Variants in CDH11 observed in about 807,000 individuals in gnomAD.
CDH11 encodes cadherin 11.
In CDH11, 11 loss-of-function variants were observed where a neutral mutation model predicts 67.8. That is an observed-to-expected ratio of 0.16 (90% CI 0.10 to 0.27). CDH11 has a LOEUF of 0.27. Among genes scored for constraint, CDH11 ranks in the 10% least tolerant of loss-of-function variants. CDH11 has a pLI of 1.00. For missense variants in CDH11, 847 were observed against 1,031.2 expected (o/e 0.82, Z 2.45); for synonymous variants, 419 against 400.0 (o/e 1.05, Z -0.57).
chr16:65,013,540 A>G (rs554573827), intron 2 of CDH11, among the ~76,000 whole-genome samples: 1 of 151,982 alleles, frequency 6.6e-6, no homozygotes, highest in South Asian at 2.1e-4. Context: ...AATGGGAAAA[A>G]CCCAGCCGGG....
chr16:65,012,386 T>C (rs534108437), intron 2 of CDH11, among the ~76,000 whole-genome samples: 101 of 152,304 alleles, frequency 6.6e-4, no homozygotes, highest in Non-Finnish European at 1.2e-3. Context: ...GTGAATCAGA[T>C]TTCTTTGGGA....
At chr16:64,995,243 T>C (rs1375942580) in intron 4 of CDH11, among the ~76,000 whole-genome samples, 4 of 152,030 alleles carry the variant, frequency 2.6e-5, no homozygotes, top group African/African-American at 9.7e-5. Context: ...AAAAAACTGT[T>C]CTAAGACTCA....
chr16:65,071,677 C>T (rs966854324), intron 1 of CDH11, among the ~76,000 whole-genome samples: 6 of 152,174 alleles, frequency 3.9e-5, no homozygotes, highest in Admixed American at 1.3e-4. Flanking sequence ...CAAAGATAGA[C>T]CGGAACAAAC....
intron 6 of CDH11, chr16:64,991,295 T>C (rs1168541039): frequency 1.9e-5 from 3 of 155,812 alleles, no homozygotes; most frequent in Non-Finnish European, 4.3e-5. Flanking sequence ...AGAGGCATGC[T>C]GTCTCCTCCA....
chr16:64,989,776 C>T (rs2072584917), intron 6 of CDH11, among the ~76,000 whole-genome samples: 1 of 152,172 alleles, frequency 6.6e-6, no homozygotes, highest in Non-Finnish European at 1.5e-5. Context: ...ATTTAATACT[C>T]TGTGCAACAC....
At chr16:65,053,008 C>T (rs2074083434) in intron 2 of CDH11, among the ~76,000 whole-genome samples, 1 of 152,060 alleles carries the variant, frequency 6.6e-6, no homozygotes, top group Admixed American at 6.6e-5. Context: ...CAGGAAAAAC[C>T]TGGATTTGAC....
At chr16:65,031,767 C>G (rs1023753920) in intron 2 of CDH11, among the ~76,000 whole-genome samples, 1 of 152,006 alleles carries the variant, frequency 6.6e-6, no homozygotes, top group Admixed American at 6.6e-5. Context: ...TATTCTTTGG[C>G]CACTGCAAAT....
At chr16:65,030,928 C>T (rs749918058) in intron 2 of CDH11, among the ~76,000 whole-genome samples, 2 of 152,032 alleles carry the variant, frequency 1.3e-5, no homozygotes, top group Non-Finnish European at 2.9e-5. Flanking sequence ...TCTTTCATTC[C>T]CCCAGGAGAA....
chr16:65,069,983 T>C (rs2142764462), intron 1 of CDH11, among the ~76,000 whole-genome samples: 1 of 152,204 alleles, frequency 6.6e-6, no homozygotes, highest in South Asian at 2.1e-4. Flanking sequence ...GGATAGAATT[T>C]CCCAGGAGAA....
In CDH11 at chr16:65,121,853, G is replaced by C. The variant is rs1359628925; in HGVS notation, c.-298+27C>G. ...ATTCCAAGAAGCCCCAACCAGGCGA[G>C]AGGAAGGGACTGGCGGCGCACCTCA... is the stretch of plus-strand genomic sequence containing the variant. On this transcript the variant is annotated intron_variant, in intron 1 of 12. Transcript: ENST00000268603. The surrounding 1 kb of genome is among the most constrained non-coding windows in gnomAD (Gnocchi z 4.1). 1.4e-6 allele frequency: 1 copy of C among 701,962 alleles called. No homozygotes were observed. The highest frequency in any genetic ancestry group is 2.0e-5 in the Admixed American group (1 of 49,996). 43.5% of individuals were successfully genotyped at this position (701,962 alleles called of 1,614,324 possible).
chr16:64,982,001 G>C (rs2072363297), intron 8 of CDH11, 47 bp downstream of exon 8: 3 of 1,537,126 alleles, frequency 2.0e-6, no homozygotes, highest in Non-Finnish European at 2.6e-6. Flanking sequence ...AGAACCTCTT[G>C]ACTCTAAAAT....
chr16:65,062,266 C>G (rs777683432), intron 1 of CDH11, among the ~76,000 whole-genome samples: 10 of 152,170 alleles, frequency 6.6e-5, no homozygotes, highest in Non-Finnish European at 1.0e-4. Context: ...TTACATTTTA[C>G]CAAATCTGGG....
chr16:65,070,962 G>C (rs1018662583), intron 1 of CDH11, among the ~76,000 whole-genome samples: 10 of 152,194 alleles, frequency 6.6e-5, no homozygotes, highest in African/African-American at 1.7e-4. Flanking sequence ...GCAGAGGCAA[G>C]AGCCAAATGC....
intron 11 of CDH11, among the ~76,000 whole-genome samples, chr16:64,968,040 G>T (rs2071890529): frequency 6.6e-6 from 1 of 152,098 alleles, no homozygotes; most frequent in Non-Finnish European, 1.5e-5. Flanking sequence ...GATAAACAAA[G>T]ACTTTTGAAA....
chr16:65,054,835 T>C (rs534239412), intron 1 of CDH11, among the ~76,000 whole-genome samples: 1 of 152,320 alleles, frequency 6.6e-6, no homozygotes, highest in South Asian at 2.1e-4. Context: ...GCTTATTTCT[T>C]TGACTTGACT....
At chr16:65,108,947 G>A (rs771531049) in intron 1 of CDH11, among the ~76,000 whole-genome samples, 1 of 152,092 alleles carries the variant, frequency 6.6e-6, no homozygotes, top group Non-Finnish European at 1.5e-5. Context: ...AAGAGTTCGA[G>A]ACCAGCCTGG....
At chr16:65,045,615 C>A (rs1279105230) in intron 2 of CDH11, among the ~76,000 whole-genome samples, 1 of 151,778 alleles carries the variant, frequency 6.6e-6, no homozygotes, top group Non-Finnish European at 1.5e-5. Context: ...AGCTCTGAGT[C>A]CCCCACTGCA....
chr16:65,082,477 C>T (rs1404360132), intron 1 of CDH11, among the ~76,000 whole-genome samples: 1 of 152,140 alleles, frequency 6.6e-6, no homozygotes, highest in Non-Finnish European at 1.5e-5. Context: ...TATTCCTCTT[C>T]CCTCAGAAGT....
chr16:65,100,812 G>C (rs1399694726), intron 1 of CDH11, among the ~76,000 whole-genome samples: 1 of 151,928 alleles, frequency 6.6e-6, no homozygotes, highest in East Asian at 1.9e-4. Flanking sequence ...GAGTAAGGGG[G>C]CAGCCAGGGG....
Sources: allele counts gnomAD v4.1 joint callset (sites outside exome capture counted in the v4.1 genomes callset), GRCh38; gene constraint gnomAD v4.1.1; non-coding constraint Gnocchi (gnomAD v3.1); transcripts MANE v1.5; gene names NCBI Gene and HGNC (gene_info 2026-07-23, HGNC 2026-07-21).